RSF1: variants seen among roughly 807,000 people sequenced by gnomAD.
RSF1 encodes the protein HBV pX-associated protein 8.
A neutral mutation model predicts 145.2 loss-of-function variants in RSF1; 13 were observed. The observed-to-expected ratio is 0.09, with a 90% confidence interval of 0.06 to 0.14. The LOEUF (loss-of-function observed/expected upper bound fraction) is 0.14, where lower values mean the gene tolerates loss of function less well. Ranked by LOEUF, RSF1 falls within the 10% of genes least tolerant of loss-of-function variation. The probability of loss-of-function intolerance (pLI) is 1.00; values close to 1 mark genes in which losing one functional copy is unlikely to be tolerated. For missense variants in RSF1, 1,517 were observed against 1,718.2 expected (o/e 0.88, Z 2.07); for synonymous variants, 577 against 592.6 (o/e 0.97, Z 0.38).
the RSF1 span, among the ~76,000 whole-genome samples, chr11:77,863,223 T>C: frequency 1.1e-3 from 174 of 152,258 alleles, no homozygotes; most frequent in African/African-American, 4.1e-3. Flanking sequence ...CACTTAGCCA[T>C]GCAGGAACAA....
chr11:77,742,603 T>G lies in RSF1; in HGVS notation c.373-1667A>C, dbSNP rs573683090. On this transcript the variant is annotated intron_variant, in intron 3 of 15. Coordinates refer to ENST00000308488, the MANE Select transcript of RSF1 (RefSeq NM_016578.4). Reference sequence around the variant, plus strand: ...TCAAGGGTTCCCTTTTCTGTACATCTTTACCAAACTTGTTATCTCTTGTCT... The same window carrying G: ...TCAAGGGTTCCCTTTTCTGTACATCGTTACCAAACTTGTTATCTCTTGTCT... Among the ~76,000 whole-genome samples the G allele has an allele frequency of 1.3e-4, 20 of 152,310 alleles. No homozygotes were observed. In the South Asian group the frequency reaches 3.9e-3, roughly 30 times the overall value.
intron 5 of RSF1, among the ~76,000 whole-genome samples, chr11:77,710,093 A>G (rs1960643016): frequency 6.6e-6 from 1 of 152,218 alleles, no homozygotes; most frequent in Non-Finnish European, 1.5e-5. Flanking sequence ...AGAGAGCTAT[A>G]CATGCCTTTT....
intron 2 of RSF1, among the ~76,000 whole-genome samples, chr11:77,752,687 G>A (rs1948076064): frequency 6.6e-6 from 1 of 152,108 alleles, no homozygotes; most frequent in South Asian, 2.1e-4. Context: ...CGCCCCAGAT[G>A]AGGTCGCAAA....
At chr11:77,853,480 A>G in the RSF1 span, among the ~76,000 whole-genome samples, 1 of 152,112 alleles carries the variant, frequency 6.6e-6, no homozygotes, top group Admixed American at 6.5e-5. Context: ...ACTCACTATC[A>G]CGAGAACAGC....
chr11:77,738,203 T>C (rs1052050730), intron 4 of RSF1, among the ~76,000 whole-genome samples: 11 of 152,236 alleles, frequency 7.2e-5, no homozygotes, highest in Admixed American at 2.0e-4. Flanking sequence ...ATTGAGCATG[T>C]ATTACAGTGT....
chr11:77,843,713 G>C, the RSF1 span, among the ~76,000 whole-genome samples: 1 of 152,120 alleles, frequency 6.6e-6, no homozygotes, highest in Non-Finnish European at 1.5e-5. Flanking sequence ...GTGAGATTAG[G>C]ATGCCAGCAT....
intron 1 of RSF1, among the ~76,000 whole-genome samples, chr11:77,793,880 G>C (rs1457838958): frequency 6.6e-6 from 1 of 152,054 alleles, no homozygotes; most frequent in African/African-American, 2.4e-5. Context: ...CAAGCTCTCA[G>C]GGGTAGCTAT....
chr11:77,762,640 T>C (rs1024903494), intron 2 of RSF1: 3 of 152,204 alleles, frequency 2.0e-5, no homozygotes, highest in African/African-American at 7.2e-5. Flanking sequence ...AGATGACAAA[T>C]AGATGCCAAT....
chr11:77,745,998 G>A (rs1947995625), intron 3 of RSF1, among the ~76,000 whole-genome samples: 1 of 151,830 alleles, frequency 6.6e-6, no homozygotes, highest in African/African-American at 2.4e-5. Context: ...AATATATAAT[G>A]TATGTAATAC....
chr11:77,765,135 T>TA (rs71949773), intron 1 of RSF1, among the ~76,000 whole-genome samples: 180 of 147,824 alleles, frequency 1.2e-3, no homozygotes, highest in African/African-American at 3.6e-3. Context: ...AATAGTTTGT[T>TA]AAAAAAAAAA....
chr11:77,725,244 T>C (rs979702817), intron 5 of RSF1, among the ~76,000 whole-genome samples: 36 of 152,232 alleles, frequency 2.4e-4, no homozygotes, highest in African/African-American at 8.7e-4. Context: ...AATTTTATGT[T>C]ATATTTTGCC....
the RSF1 span, among the ~76,000 whole-genome samples, chr11:77,853,261 C>G: frequency 6.6e-6 from 1 of 152,302 alleles, no homozygotes; most frequent in Non-Finnish European, 1.5e-5. Context: ...AAAGAACTAC[C>G]TGAGACTGGT....
chr11:77,666,690 A>C lies in RSF1; in HGVS notation c.*227T>G, dbSNP rs1291797607. On this transcript the variant is annotated 3_prime_UTR_variant, in exon 16 of 16. Coordinates refer to ENST00000308488, the MANE Select transcript of RSF1 (RefSeq NM_016578.4). ...TTTTCCATGAATGAAATTACCAAGG[A>C]CCATGAACCTGGAAAAAGAAAATCA... The C allele has an allele frequency of 5.4e-6, 2 of 369,092 alleles. No homozygotes were observed. The highest frequency in any genetic ancestry group is 1.2e-4 in the South Asian group (1 of 8,098). The allele number at this position is 369,092 out of a possible 1,614,324, so 22.9% of individuals were successfully genotyped here.
the RSF1 span, among the ~76,000 whole-genome samples, chr11:77,835,947 G>A: frequency 6.6e-6 from 1 of 152,014 alleles, no homozygotes; most frequent in Non-Finnish European, 1.5e-5. Context: ...TAAAGTTGGA[G>A]TAGAATGGCA....
chr11:77,823,105 C>G (rs1037420766), upstream of RSF1, among the ~76,000 whole-genome samples: 1 of 150,472 alleles, frequency 6.6e-6, no homozygotes, highest in Non-Finnish European at 1.5e-5. Flanking sequence ...TAGACAGCTA[C>G]TCGGGAGGCT....
the RSF1 span, among the ~76,000 whole-genome samples, chr11:77,852,866 A>G: frequency 6.6e-6 from 1 of 152,020 alleles, no homozygotes; most frequent in African/African-American, 2.4e-5. Flanking sequence ...GTTCATAGAG[A>G]TATGTCTTTT....
rs755084777 is a variant in RSF1 at position 77,663,746 on chromosome 11, G to A, written c.*3171C>T. On this transcript the variant is annotated 3_prime_UTR_variant, in exon 16 of 16. Transcript: ENST00000308488. ...CAAAACCAAAACGTTTTCAGTCTGC[G>A]TCCTTTTCACACATATTTCAGTTCA... 3.3e-5 allele frequency: 5 copies of A among 152,126 alleles called. No homozygotes were observed. Among genetic ancestry groups the A allele is most frequent in the East Asian group, 1.9e-4 (1 of 5,200 alleles). 9.4% of individuals were successfully genotyped at this position (152,126 alleles called of 1,614,324 possible). A position where few individuals can be genotyped will look rare whatever the true frequency, so the allele number is the denominator to read the frequency against.
intron 1 of RSF1, among the ~76,000 whole-genome samples, chr11:77,779,976 G>C (rs141848096): frequency 6.6e-6 from 1 of 152,214 alleles, no homozygotes; most frequent in East Asian, 1.9e-4. Flanking sequence ...GTTCAATTTA[G>C]ATGTTGCTTC....
chr11:77,717,179 AC>A (rs1256294626), intron 5 of RSF1, among the ~76,000 whole-genome samples: 49 of 72,280 alleles, frequency 6.8e-4, no homozygotes, highest in African/African-American at 3.8e-3. Context: ...AAAACCAAAA[AC>A]CAAAAAAAAA....
Sources: gnomAD v4.1 joint callset for allele counts (sites outside exome capture counted in the v4.1 genomes callset) on GRCh38, gnomAD v4.1.1 for gene constraint, MANE v1.5 for transcripts, NCBI Gene and HGNC (gene_info 2026-07-23, HGNC 2026-07-21) for gene names.